Variants in CEP295 observed in about 807,000 individuals in gnomAD.
The protein encoded by CEP295 is centrosomal protein 295.
CEP295 carries 190 observed loss-of-function variants against 291.6 expected under a neutral mutation model. That is an observed-to-expected ratio of 0.65 (90% CI 0.58 to 0.73). CEP295 has a LOEUF of 0.73. Among genes scored for constraint, CEP295 ranks in the 30% least tolerant of loss-of-function variants. CEP295 has a pLI of 0.00. For synonymous variants in CEP295, 993 were observed against 1,038.8 expected (o/e 0.96, Z 0.85); for missense variants, 2,863 against 2,949.4 (o/e 0.97, Z 0.68).
chr11:93,690,302 A>G (rs1206684164), intron 10 of CEP295, among the ~76,000 whole-genome samples: 1 of 152,114 alleles, frequency 6.6e-6, no homozygotes, highest in East Asian at 1.9e-4. Context: ...CATGCCTCTA[A>G]TCCCAACACT....
intron 21 of CEP295, chr11:93,723,960 TA>T (rs956348666): frequency 7.7e-5 from 13 of 168,444 alleles, no homozygotes; most frequent in East Asian, 3.4e-4. Context: ...ATCTCTATTT[TA>T]AAAAAAAATT....
At position 93,697,509 on chromosome 11, in the gene CEP295, A is replaced by T; in HGVS notation, c.2597A>T (p.Glu866Val). 2 of 1,551,846 alleles carry T rather than the reference A, an allele frequency of 1.3e-6. No individual in the cohort carries two copies. Among genetic ancestry groups the T allele is most frequent in the Non-Finnish European group, 1.7e-6 (2 of 1,147,014 alleles). Reference sequence around the variant, plus strand: ...AAGAAAGTTCTTCAGGCAACTCAGGAAGCTCAGGAACAGTTGCTTTTGTGC... The same window carrying T: ...AAGAAAGTTCTTCAGGCAACTCAGGTAGCTCAGGAACAGTTGCTTTTGTGC... The part of the protein sequence containing the change: ...LQKKVLQATQ[E>V]AQEQLLLCKQ... The change falls in exon 15 of 30, where the codon GAA becomes GTA. Residue 866 changes from glutamate (E) to valine (V), a missense_variant. This residue lies in a region of CEP295 where 2,295 missense variants were observed against 2,335.7 expected (regional missense o/e 0.98). Coordinates refer to ENST00000325212, the MANE Select transcript of CEP295 (RefSeq NM_033395.2).
At position 93,685,210 on chromosome 11, in the gene CEP295, C is replaced by T. The variant is rs956912896; in HGVS notation, c.1114+1082C>T. Among the ~76,000 whole-genome samples the T allele has an allele frequency of 1.4e-4, 22 of 152,308 alleles. 1 individual carries two copies. The highest frequency in any genetic ancestry group is 6.2e-4 in the South Asian group (3 of 4,826). ...TCATGGAATTCAGCTATTTTTGCCC[C>T]GTATCTACTGGTATTTCCTTTGTTT... On this transcript the variant is annotated intron_variant, in intron 9 of 29. Transcript: ENST00000325212.
rs564190583 is a variant in CEP295 at position 93,666,378 on chromosome 11, G to A, written c.-26-304G>A. 1.1e-3 allele frequency among the ~76,000 whole-genome samples: 171 copies of A among 152,246 alleles called. 3 individuals carry two copies. Among genetic ancestry groups the A allele is most frequent in the African/African-American group, 4.1e-3 (169 of 41,552 alleles). On this transcript the variant is annotated intron_variant, in intron 1 of 29. Coordinates refer to ENST00000325212, the MANE Select transcript of CEP295 (RefSeq NM_033395.2). ...GAAAGCTGAGGTAGGTGGATCACTTGAGGCCAAGAGTTCGAGACCAGCCTG... is the reference window on the plus strand; with the variant it reads ...GAAAGCTGAGGTAGGTGGATCACTTAAGGCCAAGAGTTCGAGACCAGCCTG...
At chr11:93,672,606 A>G (rs1407066868) in intron 5 of CEP295, among the ~76,000 whole-genome samples, 2 of 151,784 alleles carry the variant, frequency 1.3e-5, no homozygotes, top group Non-Finnish European at 2.9e-5. Flanking sequence ...CTTCTTTTCC[A>G]TTGCTGCATG....
At chr11:93,673,264 A>G (rs1950533283) in intron 5 of CEP295, among the ~76,000 whole-genome samples, 1 of 152,194 alleles carries the variant, frequency 6.6e-6, no homozygotes, top group Admixed American at 6.5e-5. Flanking sequence ...AGCCTGGGCA[A>G]CATAGCAAGA....
chr11:93,727,778 T>C, intron 24 of CEP295, 141 bp downstream of exon 24: 1 of 678,000 alleles, frequency 1.5e-6, no homozygotes, highest in Non-Finnish European at 2.4e-6. Context: ...TCCTCCTGCC[T>C]CAACTTCCGA....
At chr11:93,708,420 A>G (rs1195510626) in intron 18 of CEP295, among the ~76,000 whole-genome samples, 1 of 152,126 alleles carries the variant, frequency 6.6e-6, no homozygotes, top group East Asian at 1.9e-4. Flanking sequence ...CTTTCTGTGT[A>G]TGGCTTATTT....
Position 93,700,020 on chromosome 11 carries a change from C to G in CEP295, c.5108C>G (p.Thr1703Ser). The change falls in exon 15 of 30, where the codon ACT becomes AGT. Residue 1703 changes from threonine to serine, a missense_variant. Around this residue, in one of 3 missense-constraint regions of CEP295, gnomAD observed 2,295 missense variants for 2,335.7 expected, o/e 0.98. Coordinates refer to ENST00000325212, the MANE Select transcript of CEP295 (RefSeq NM_033395.2). ...RLLSFSQSVLTQQDNLGLQKQ... is the reference protein window; with the variant it reads ...RLLSFSQSVLSQQDNLGLQKQ... ...TTGAGTTTTTCACAGTCTGTCTTAA[C>G]TCAGCAAGATAACTTGGGACTTCAG... is the stretch of plus-strand genomic sequence containing the variant. 1 of 1,551,748 alleles carries G rather than the reference C, an allele frequency of 6.4e-7. No homozygotes were observed. The highest frequency in any genetic ancestry group is 1.2e-5 in the South Asian group (1 of 84,064).
At chr11:93,702,940 A>T in intron 17 of CEP295, 21 bp downstream of exon 17, 1 of 1,517,774 alleles carries the variant, frequency 6.6e-7, no homozygotes, top group Non-Finnish European at 8.8e-7. Flanking sequence ...GCTTTGATAA[A>T]ACAAGATTTT....
intron 5 of CEP295, among the ~76,000 whole-genome samples, chr11:93,671,132 C>A (rs1030039528): frequency 2.6e-5 from 4 of 152,198 alleles, no homozygotes; most frequent in Admixed American, 1.3e-4. Flanking sequence ...ATCCACCCAC[C>A]TCTGCCTCCC....
Position 93,727,693 on chromosome 11 carries a change from T to A in CEP295, c.7161+56T>A. 5.1e-6 allele frequency: 7 copies of A among 1,360,744 alleles called. No homozygotes were observed. The South Asian group carries it at 9.3e-5, about 18-fold the overall frequency. 84.3% of individuals were successfully genotyped at this position (1,360,744 alleles called of 1,614,324 possible). The stretch of plus-strand genomic sequence containing the variant: ...TTTAAATTCCTTTTTGGGAAAAAAC[T>A]TTTTTCTTCTAAAATTAGAGATGAA... On this transcript the variant is annotated intron_variant, in intron 24 of 29. Transcript: ENST00000325212.
intron 22 of CEP295, 82 bp downstream of exon 22, chr11:93,724,457 C>G: frequency 1.5e-6 from 2 of 1,347,772 alleles, no homozygotes; most frequent in Non-Finnish European, 2.1e-6. Flanking sequence ...AAAAGTTCTT[C>G]TAAACCCTTA....
intron 12 of CEP295, among the ~76,000 whole-genome samples, chr11:93,694,952 G>A (rs1951776333): frequency 6.6e-6 from 1 of 152,166 alleles, no homozygotes; most frequent in Admixed American, 6.5e-5. Flanking sequence ...TAGAGTGTGA[G>A]TGTGCTTGTA....
rs146917717 is a variant in CEP295, at chr11:93,682,458, A to G, written c.766-1101A>G. 4.9e-4 allele frequency among the ~76,000 whole-genome samples: 75 copies of G among 152,284 alleles called. No individual in the cohort carries two copies. The East Asian group carries it at 0.012, about 24-fold the overall frequency. On this transcript the variant is annotated intron_variant, in intron 7 of 29. Transcript: ENST00000325212. ...AGGCTGGCCTCGAACTCCTGACCTC[A>G]GGTGATCTGCCTGCCTTGGCCTCCC...
intron 10 of CEP295, among the ~76,000 whole-genome samples, chr11:93,691,010 C>A (rs892862333): frequency 3.3e-5 from 5 of 152,194 alleles, no homozygotes. Context: ...GAAATTTCAT[C>A]TTGCCCAGAT....
Position 93,698,692 on chromosome 11 carries a change from C to T in CEP295, c.3780C>T (p.His1260=). ...MLPLQDNLEE[H]QAWLDTEKEA... is the part of the protein sequence containing the mutation. ...CTCTACAAGATAATTTGGAGGAACA[C>T]CAAGCATGGCTAGACACTGAGAAAG... The change falls in exon 15 of 30, where the codon CAC becomes CAT. Residue 1260 remains histidine, a synonymous_variant. Transcript: ENST00000325212. 1 of 1,550,998 alleles carries T rather than the reference C, an allele frequency of 6.4e-7. No homozygotes were observed. Among genetic ancestry groups the T allele is most frequent in the Non-Finnish European group, 8.7e-7 (1 of 1,147,056 alleles).
intron 7 of CEP295, among the ~76,000 whole-genome samples, chr11:93,682,336 G>C (rs368647456): frequency 6.6e-6 from 1 of 152,010 alleles, no homozygotes; most frequent in Non-Finnish European, 1.5e-5. Context: ...CAATTCTCCC[G>C]CCCCAGCCTC....
chr11:93,671,716 G>C (rs1286729150), intron 5 of CEP295, among the ~76,000 whole-genome samples: 1 of 152,182 alleles, frequency 6.6e-6, no homozygotes, highest in East Asian at 1.9e-4. Context: ...AGAAGGGAGG[G>C]ATAGGATTTT....
Sources: gnomAD v4.1 joint callset for allele counts (sites outside exome capture counted in the v4.1 genomes callset) on GRCh38, gnomAD v4.1.1 for gene constraint, gnomAD v4.1.1 regional missense constraint, MANE v1.5 for transcripts, NCBI Gene and HGNC (gene_info 2026-07-23, HGNC 2026-07-21) for gene names.